MPP4: variants seen among roughly 807,000 people sequenced by gnomAD.
MPP4 encodes MAGUK p55 subfamily member 4.
In MPP4, 91 loss-of-function variants were observed where a neutral mutation model predicts 98.3. That is an observed-to-expected ratio of 0.93 (90% CI 0.78 to 1.10). The LOEUF (loss-of-function observed/expected upper bound fraction) is 1.10. MPP4 is among the 50% of genes least tolerant of loss of function. The pLI is 0.00. For synonymous variants in MPP4, 261 were observed against 271.8 expected, an observed-to-expected ratio of 0.96 and a Z score of 0.39; for missense variants, 744 against 792.9, an observed-to-expected ratio of 0.94 and a Z score of 0.74.
intron 14 of MPP4, chr2:201,661,355 C>T (rs971463098): frequency 2.0e-5 from 9 of 455,428 alleles, no homozygotes; most frequent in Admixed American, 1.9e-4. Flanking sequence ...TAACTGCTCA[C>T]TAAGCAGTCT....
In MPP4 at chr2:201,679,876, C is replaced by T. The variant is rs148671361; in HGVS notation, c.929+962G>A. Among the ~76,000 whole-genome samples, 524 of 152,252 alleles carry T rather than the reference C, an allele frequency of 3.4e-3. 4 individuals are homozygous for T. The highest frequency in any genetic ancestry group is 0.011 in the African/African-American group (463 of 41,532). On this transcript the variant is annotated intron_variant, in intron 10 of 21. Transcript: ENST00000409474. ...TCAAATCCCACTCTAATGAGGATTT[C>T]GGCCCCACTTCTCCACTGAAATTGC...
At chr2:201,690,964 G>A (rs950134774) in intron 3 of MPP4, among the ~76,000 whole-genome samples, 4 of 152,170 alleles carry the variant, frequency 2.6e-5, no homozygotes, top group African/African-American at 9.7e-5. Flanking sequence ...TAGGAATTGA[G>A]TTTCTCTTAC....
chr2:201,650,975 C>T (rs906774700), intron 18 of MPP4: 29 of 984,950 alleles, frequency 2.9e-5, no homozygotes, highest in Non-Finnish European at 3.3e-5. Flanking sequence ...ATTTATTCAA[C>T]TAGTGTGTAC....
chr2:201,696,455 C>CTCTTAA (rs1015328970), intron 1 of MPP4, among the ~76,000 whole-genome samples: 33 of 152,296 alleles, frequency 2.2e-4, no homozygotes, highest in African/African-American at 6.5e-4. Flanking sequence ...CTCAGGCTGA[C>CTCTTAA]TCTTAAAATT....
chr2:201,653,118 GCTGA>G (rs1281483248), intron 18 of MPP4, among the ~76,000 whole-genome samples: 3 of 152,078 alleles, frequency 2.0e-5, no homozygotes, highest in African/African-American at 7.2e-5. Flanking sequence ...ATAACCCTGG[GCTGA>G]CTGTCTTATA....
At position 201,656,316 on chromosome 2, in the gene MPP4, C is replaced by A; in HGVS notation, c.1182G>T (p.Pro394=). ...CGGTGCAGCACACACTGGCATGCAG[C>A]GGGCTGAGGTGAGACTTCCTGCGAC... ...RLCRRKSHLS[P]LHASVCCTGS... is the part of the protein sequence containing the mutation. Residue 394 remains proline (P), a synonymous_variant, in exon 17 of 22, where the codon CCG becomes CCT. Transcript: ENST00000409474. 8.3e-6 allele frequency: 13 copies of A among 1,562,392 alleles called. No homozygotes were observed. Among genetic ancestry groups the A allele is most frequent in the South Asian group, 1.2e-5 (1 of 84,708 alleles).
chr2:201,658,660 C>T lies in MPP4; in HGVS notation c.1088-142G>A, dbSNP rs138482838. The T allele has an allele frequency of 5.9e-4, 382 of 644,442 alleles. 4 individuals are homozygous for T. In the East Asian group the frequency reaches 0.01, roughly 17 times the overall value. The allele number at this position is 644,442 out of a possible 1,614,324, so 39.9% of individuals were successfully genotyped here. Reference sequence around the variant, plus strand: ...TTGAATTTATCCTTGAGTGGCTCACCGAATGTTCTAAGCATTTTTCATCCT... The same window carrying T: ...TTGAATTTATCCTTGAGTGGCTCACTGAATGTTCTAAGCATTTTTCATCCT... On this transcript the variant is annotated intron_variant, in intron 15 of 21. Coordinates refer to ENST00000409474, the MANE Select transcript of MPP4 (RefSeq NM_033066.3).
chr2:201,674,862 C>A (rs1018806740), intron 11 of MPP4, among the ~76,000 whole-genome samples: 1 of 152,050 alleles, frequency 6.6e-6, no homozygotes, highest in Non-Finnish European at 1.5e-5. Flanking sequence ...AGGTTTTTTG[C>A]ATGTCTGACA....
intron 10 of MPP4, 32 bp downstream of exon 10, chr2:201,680,806 G>A (rs1468685447): frequency 6.3e-7 from 1 of 1,580,958 alleles, no homozygotes; most frequent in Non-Finnish European, 8.6e-7. Context: ...TGATGGTTCA[G>A]CCCTGAGTCC....
At chr2:201,694,184 G>C (rs975860540) in intron 1 of MPP4, 130 bp from the exon 2 acceptor site, 7 of 819,084 alleles carry the variant, frequency 8.5e-6, no homozygotes, top group Non-Finnish European at 8.9e-6. Flanking sequence ...GCGTGAAAGA[G>C]AAAACGACTA....
chr2:201,654,325 A>C (rs1687796818), intron 18 of MPP4, among the ~76,000 whole-genome samples: 1 of 152,196 alleles, frequency 6.6e-6, no homozygotes. Context: ...CATACTCATA[A>C]ATTTATATAA....
At chr2:201,687,634 A>G (rs1688877199) in intron 4 of MPP4, among the ~76,000 whole-genome samples, 1 of 152,226 alleles carries the variant, frequency 6.6e-6, no homozygotes, top group Non-Finnish European at 1.5e-5. Flanking sequence ...GCACATAGGC[A>G]TGGAGGATGT....
chr2:201,645,545 C>T, intron 21 of MPP4, 141 bp from the exon 22 acceptor site: 1 of 567,510 alleles, frequency 1.8e-6, no homozygotes, highest in Non-Finnish European at 2.8e-6. Flanking sequence ...AGATGATTTT[C>T]AATAAAGTTT....
chr2:201,681,538 C>A lies in MPP4; in HGVS notation c.690G>T (p.Lys230Asn), dbSNP rs1351466599. Reference protein sequence around the residue: ...LAMSRGTIMFKVVPVSDPPVN... With the variant: ...LAMSRGTIMFNVVPVSDPPVN... ...CAGGAGGGTCAGAGACTGGAACCAC[C>A]TTGAACATGATTGTGCCTCGAGACA... is the stretch of plus-strand genomic sequence containing the variant. Residue 230 changes from lysine to asparagine, a missense_variant, in exon 9 of 22, where the codon AAG (lysine) becomes AAT (asparagine). By Grantham distance (94) the Lys-to-Asn change is moderately conservative. Transcript: ENST00000409474. 1.6e-5 allele frequency: 26 copies of A among 1,613,634 alleles called. No individual in the cohort carries two copies. The highest frequency in any genetic ancestry group is 2.1e-5 in the Non-Finnish European group (25 of 1,179,836).
intron 18 of MPP4, among the ~76,000 whole-genome samples, chr2:201,654,605 A>G (rs1687805463): frequency 6.6e-6 from 1 of 152,130 alleles, no homozygotes; most frequent in Non-Finnish European, 1.5e-5. Flanking sequence ...ATGTACCCTA[A>G]AACTTAAAAT....
chr2:201,686,913 C>G (rs1255878164), intron 5 of MPP4, among the ~76,000 whole-genome samples: 1 of 152,136 alleles, frequency 6.6e-6, no homozygotes, highest in Non-Finnish European at 1.5e-5. Context: ...CTGTATATTC[C>G]AAATACACAC....
At position 201,690,240 on chromosome 2, in the gene MPP4, C is replaced by A. The variant is rs1323476003; in HGVS notation, c.241G>T (p.Val81Phe). ...ACCTGTGCATGTGGTGTGGCAGGAA[C>A]TAGTTTCTTTTCTTTAAATTCCTGG... ...CLQEFKEKKL[V>F]PATPHAQVLS... Residue 81 changes from valine (V) to phenylalanine (F), a missense_variant, in exon 4 of 22, where the codon GTT becomes TTT. Transcript: ENST00000409474. 2 of 1,609,808 alleles carry A rather than the reference C, an allele frequency of 1.2e-6. No individual in the cohort carries two copies. The highest frequency in any genetic ancestry group is 1.1e-5 in the South Asian group (1 of 89,680).
At chr2:201,653,780 T>G (rs1020105731) in intron 18 of MPP4, among the ~76,000 whole-genome samples, 1 of 152,060 alleles carries the variant, frequency 6.6e-6, no homozygotes, top group Non-Finnish European at 1.5e-5. Context: ...ATTCCTTCTA[T>G]TTTTAGAATT....
chr2:201,659,631 G>A (rs7580272), intron 15 of MPP4, among the ~76,000 whole-genome samples: 1 of 152,096 alleles, frequency 6.6e-6, no homozygotes, highest in African/African-American at 2.4e-5. Flanking sequence ...TCAGGAGTTC[G>A]AGACCAGCCT....
Sources: allele counts gnomAD v4.1 joint callset (sites outside exome capture counted in the v4.1 genomes callset), GRCh38; gene constraint gnomAD v4.1.1; transcripts MANE v1.5; gene names NCBI Gene and HGNC (gene_info 2026-07-23, HGNC 2026-07-21).